SEPTIN9: variants seen among roughly 807,000 people sequenced by gnomAD.
SEPTIN9 encodes the protein septin 9.
Under a neutral mutation model 56.6 loss-of-function variants are expected in SEPTIN9, and 13 were observed. That is an observed-to-expected ratio of 0.23 (90% CI 0.15 to 0.37). SEPTIN9 has a LOEUF of 0.37. Among genes scored for constraint, SEPTIN9 ranks in the 10% least tolerant of loss-of-function variants. SEPTIN9 has a pLI of 1.00. For missense variants in SEPTIN9, 650 were observed against 823.1 expected, an observed-to-expected ratio of 0.79 and a Z score of 2.57; for synonymous variants, 332 against 334.1, an observed-to-expected ratio of 0.99 and a Z score of 0.07.
In SEPTIN9 at chr17:77,492,962, C is replaced by T. The variant is rs774317900; in HGVS notation, c.1477-18C>T. 5.1e-5 allele frequency: 79 copies of T among 1,554,888 alleles called. No homozygotes were observed. The Middle Eastern group carries it at 6.7e-4, about 13-fold the overall frequency. Reference sequence around the variant, plus strand: ...CTTCCCGCACATGTGTAACCAATACCGTCTGCCCGTTCCCCAGGAGATGAT... The same window carrying T: ...CTTCCCGCACATGTGTAACCAATACTGTCTGCCCGTTCCCCAGGAGATGAT... On this transcript the variant is annotated intron_variant, in intron 9 of 11. Coordinates refer to ENST00000427177, the MANE Select transcript of SEPTIN9 (RefSeq NM_001113491.2). The surrounding 1 kb of genome is among the most constrained non-coding windows in gnomAD (Gnocchi z 5.4).
At position 77,475,190 on chromosome 17, in the gene SEPTIN9, C is replaced by T; in HGVS notation, c.722-6954C>T. The T allele has an allele frequency of 8.3e-7, 1 of 1,200,854 alleles. No homozygotes were observed. Among genetic ancestry groups the T allele is most frequent in the Non-Finnish European group, 1.0e-6 (1 of 961,932 alleles). The allele number at this position is 1,200,854 out of a possible 1,614,324, so 74.4% of individuals were successfully genotyped here. ...GTGATGGATGAGGTGTCTGGCTTCA[C>T]AAACCCTGTGTGGGGGGGTTGTGGT... On this transcript the variant is annotated intron_variant, in intron 3 of 11. Transcript: ENST00000427177. The surrounding 1 kb of genome is among the most constrained non-coding windows in gnomAD (Gnocchi z 4.6).
In SEPTIN9 at chr17:77,444,398, G is replaced by T. The variant is rs114053681; in HGVS notation, c.722-37746G>T. On this transcript the variant is annotated intron_variant, in intron 3 of 11. Coordinates refer to ENST00000427177, the MANE Select transcript of SEPTIN9 (RefSeq NM_001113491.2). ...ATAGGGTGGAAACTAACCTTGTGGGGTCTGGGCAGGAAGGGACTGATTTGA... is the reference window on the plus strand; with the variant it reads ...ATAGGGTGGAAACTAACCTTGTGGGTTCTGGGCAGGAAGGGACTGATTTGA... Among the ~76,000 whole-genome samples the T allele has an allele frequency of 4.5e-3, 679 of 152,074 alleles. 3 individuals carry two copies. The highest frequency in any genetic ancestry group is 0.015 in the African/African-American group (632 of 41,464).
chr17:77,481,663 C>CT (rs1185913296), intron 3 of SEPTIN9, among the ~76,000 whole-genome samples: 1 of 151,242 alleles, frequency 6.6e-6, no homozygotes, highest in Non-Finnish European at 1.5e-5. Flanking sequence ...CTTCTAAGGC[C>CT]TTTGAGTGGC....
rs749266599 is a variant in SEPTIN9 at position 77,429,104 on chromosome 17, C to G, written c.721+26401C>G. ...GCTATTTGTGCCCCAGCTCCGTGTC[C>G]TCCGGTGTGTGTGAGGCCAAGCTCC... is the stretch of plus-strand genomic sequence containing the variant. On this transcript the variant is annotated intron_variant, in intron 3 of 11. Transcript: ENST00000427177. The surrounding 1 kb of genome is among the most constrained non-coding windows in gnomAD (Gnocchi z 5.2). 2.1e-6 allele frequency: 1 copy of G among 471,644 alleles called. No individual in the cohort carries two copies. Among genetic ancestry groups the G allele is most frequent in the Non-Finnish European group, 4.4e-6 (1 of 227,182 alleles). The allele number at this position is 471,644 out of a possible 1,614,324, so 29.2% of individuals were successfully genotyped here.
chr17:77,495,128 C>T (rs1036598290), intron 10 of SEPTIN9, among the ~76,000 whole-genome samples: 3 of 152,098 alleles, frequency 2.0e-5, no homozygotes, highest in Admixed American at 6.5e-5. Context: ...ACCCTGGTGG[C>T]CAACCTTGAG....
intron 3 of SEPTIN9, among the ~76,000 whole-genome samples, chr17:77,443,564 C>T (rs2037626236): frequency 1.3e-5 from 2 of 151,994 alleles, no homozygotes; most frequent in South Asian, 2.1e-4. Flanking sequence ...AGGCTGAGGT[C>T]GGCGGATCAC....
intron 2 of SEPTIN9, among the ~76,000 whole-genome samples, chr17:77,399,291 A>G (rs948499958): frequency 2.6e-5 from 4 of 152,178 alleles, no homozygotes; most frequent in African/African-American, 9.7e-5. Flanking sequence ...CTCCCAGGGA[A>G]GGTCATTTGT....
At chr17:77,370,153 C>G (rs1335577341) in intron 2 of SEPTIN9, among the ~76,000 whole-genome samples, 1 of 152,224 alleles carries the variant, frequency 6.6e-6, no homozygotes. Context: ...GCTGTAACAA[C>G]TGTCGAAACT....
chr17:77,291,361 G>A (rs2031544157), intron 1 of SEPTIN9, among the ~76,000 whole-genome samples: 1 of 149,182 alleles, frequency 6.7e-6, no homozygotes, highest in Non-Finnish European at 1.5e-5. Flanking sequence ...AAAAATTTTT[G>A]TAGCAGCCGG....
chr17:77,448,797 T>C (rs574816469), intron 3 of SEPTIN9, among the ~76,000 whole-genome samples: 18 of 152,246 alleles, frequency 1.2e-4, no homozygotes, highest in Middle Eastern at 3.4e-3. Context: ...TTCTTTTTTT[T>C]TTTAAATATG....
At chr17:77,354,107 CTGCTTTAAGCTTG>C (rs2034146942) in intron 2 of SEPTIN9, among the ~76,000 whole-genome samples, 1 of 152,204 alleles carries the variant, frequency 6.6e-6, no homozygotes, top group Non-Finnish European at 1.5e-5. Flanking sequence ...GTACCAAGCT[CTGCTTTAAGCTTG>C]TGTCTTATTT....
In SEPTIN9 at chr17:77,305,608, A is replaced by C. The variant is rs575176286; in HGVS notation, c.20-1533A>C. Among the ~76,000 whole-genome samples the C allele has an allele frequency of 2.7e-4, 41 of 152,006 alleles. No homozygotes were observed. The South Asian group carries it at 5.4e-3, about 20-fold the overall frequency. The stretch of plus-strand genomic sequence containing the variant: ...ATGGGTTCAACTAAAATTGGGGCCC[A>C]TCTGGGGGTTCCCTCCAGCACCAGA... On this transcript the variant is annotated intron_variant, in intron 1 of 11. Transcript: ENST00000427177.
Position 77,490,989 on chromosome 17 carries a change from G to A in SEPTIN9, c.1380+130G>A, listed in dbSNP as rs567464085. ...CGAACCGCTGGTCACTCTCCCCAGC[G>A]GGTGGCTGGCCTGGTGGTCCCTGGC... On this transcript the variant is annotated intron_variant, in intron 8 of 11. Transcript: ENST00000427177. 3.9e-5 allele frequency: 30 copies of A among 768,904 alleles called. 1 individual carries two copies. The highest frequency in any genetic ancestry group is 3.1e-4 in the South Asian group (19 of 62,082). 47.6% of individuals were successfully genotyped at this position (768,904 alleles called of 1,614,324 possible). A position where few individuals can be genotyped will look rare whatever the true frequency, so the allele number is the denominator to read the frequency against.
intron 2 of SEPTIN9, among the ~76,000 whole-genome samples, chr17:77,388,380 C>T (rs2035413070): frequency 1.3e-5 from 2 of 152,164 alleles, no homozygotes; most frequent in South Asian, 4.1e-4. Context: ...ACCCACCACC[C>T]CCTTTTACCT....
intron 7 of SEPTIN9, among the ~76,000 whole-genome samples, chr17:77,490,358 C>G (rs983957303): frequency 2.0e-5 from 3 of 152,230 alleles, no homozygotes; most frequent in Non-Finnish European, 4.4e-5. Context: ...GCACCGCACA[C>G]TGGTGCTAGC....
intron 3 of SEPTIN9, chr17:77,419,674 GCCGGCA>G (rs2036628651): frequency 6.6e-6 from 1 of 152,470 alleles, no homozygotes; most frequent in African/African-American, 2.4e-5. Flanking sequence ...CTTAGGCCGT[GCCGGCA>G]CCTGCTGACT....
Position 77,437,289 on chromosome 17 carries a change from C to T in SEPTIN9, c.721+34586C>T, listed in dbSNP as rs2037376897. On this transcript the variant is annotated intron_variant, in intron 3 of 11. Coordinates refer to ENST00000427177, the MANE Select transcript of SEPTIN9 (RefSeq NM_001113491.2). This position sits in a 1 kb window ranked among gnomAD's most constrained non-coding sequence, Gnocchi z 5.3. ...AGGCCTCTGTGGTTTGGCCTGAGTC[C>T]AGGACTCATGGCCTGGTTCCCAGGG... Among the ~76,000 whole-genome samples the T allele has an allele frequency of 6.6e-6, 1 of 152,184 alleles. No individual in the cohort carries two copies. The highest frequency in any genetic ancestry group is 2.1e-4 in the South Asian group (1 of 4,834).
At chr17:77,379,503 C>T (rs1360969279) in intron 2 of SEPTIN9, among the ~76,000 whole-genome samples, 4 of 152,186 alleles carry the variant, frequency 2.6e-5, no homozygotes, top group Non-Finnish European at 4.4e-5. Context: ...TCTGCCTACC[C>T]GTTGGGAGAG....
At chr17:77,481,299 G>A (rs953470316) in intron 3 of SEPTIN9, among the ~76,000 whole-genome samples, 23 of 152,266 alleles carry the variant, frequency 1.5e-4, no homozygotes, top group African/African-American at 5.3e-4. Flanking sequence ...ATACCCAAGA[G>A]TAAAACTTGG....
Sources: allele counts gnomAD v4.1 joint callset (sites outside exome capture counted in the v4.1 genomes callset), GRCh38; gene constraint gnomAD v4.1.1; non-coding constraint Gnocchi (gnomAD v3.1); transcripts MANE v1.5; gene names NCBI Gene and HGNC (gene_info 2026-07-23, HGNC 2026-07-21).